PKHD1L1: variants seen among roughly 807,000 people sequenced by gnomAD.
The protein encoded by PKHD1L1 is PKHD1 like 1.
PKHD1L1 carries 434 observed loss-of-function variants against 462.9 expected under a neutral mutation model. The observed-to-expected ratio is 0.94, with a 90% CI of 0.87 to 1.02. The LOEUF is 1.02. Among genes scored for constraint, PKHD1L1 ranks in the 50% least tolerant of loss-of-function variants. The pLI, the probability that PKHD1L1 is intolerant of heterozygous loss-of-function variation, is 0.00. For synonymous variants in PKHD1L1, 1,781 were observed against 1,750.0 expected (o/e 1.02, Z -0.44); for missense variants, 5,202 against 5,096.1 (o/e 1.02, Z -0.63).
rs1817155507 is a variant in PKHD1L1, at chr8:109,461,892, G to T, written c.7367G>T (p.Arg2456Ile). ...PVPGANMVTG[R>I]IEYVEVFHAG... ...CCTGGTGCTAACATGGTAACTGGGA[G>T]AATAGAATATGTAGAGGTGAGAGGC... The change falls in exon 48 of 78, where the codon AGA becomes ATA. Residue 2456 changes from arginine to isoleucine, a missense_variant. Physicochemically the swap from Arg to Ile is moderately conservative, Grantham distance 97 (BLOSUM62 -3). Coordinates refer to ENST00000378402, the MANE Select transcript of PKHD1L1 (RefSeq NM_177531.6). 1 of 1,601,828 alleles carries T rather than the reference G, an allele frequency of 6.2e-7. No individual in the cohort carries two copies.
intron 73 of PKHD1L1, among the ~76,000 whole-genome samples, chr8:109,519,592 G>T (rs1484560597): frequency 6.6e-6 from 1 of 151,998 alleles, no homozygotes; most frequent in Non-Finnish European, 1.5e-5. Context: ...CTCTGATCTA[G>T]GTGTACCCCT....
intron 27 of PKHD1L1, among the ~76,000 whole-genome samples, chr8:109,430,322 T>C (rs1347641941): frequency 6.6e-6 from 1 of 152,206 alleles, no homozygotes; most frequent in African/African-American, 2.4e-5. Context: ...TTAGACTCAG[T>C]CTCTAAAATT....
intron 24 of PKHD1L1, among the ~76,000 whole-genome samples, chr8:109,425,794 G>T (rs1249224925): frequency 1.3e-5 from 2 of 152,044 alleles, no homozygotes; most frequent in Non-Finnish European, 2.9e-5. Flanking sequence ...CAATATGGTA[G>T]CCATGAGTCA....
intron 73 of PKHD1L1, 125 bp downstream of exon 73, chr8:109,518,633 T>A: frequency 1.3e-6 from 1 of 741,378 alleles, no homozygotes; most frequent in Non-Finnish European, 2.1e-6. Flanking sequence ...CTGAACCCTC[T>A]AAGTGCCCAG....
chr8:109,500,457 A>T (rs1158012326), intron 67 of PKHD1L1, among the ~76,000 whole-genome samples: 1 of 148,664 alleles, frequency 6.7e-6, no homozygotes, highest in Non-Finnish European at 1.5e-5. Context: ...TGGATGAATC[A>T]TGAGGTCAGG....
chr8:109,407,771 C>T (rs906499327), intron 17 of PKHD1L1, among the ~76,000 whole-genome samples: 2 of 152,140 alleles, frequency 1.3e-5, no homozygotes, highest in African/African-American at 4.8e-5. Flanking sequence ...GGTCCTAATA[C>T]ATCTGTCTAT....
intron 67 of PKHD1L1, among the ~76,000 whole-genome samples, chr8:109,500,403 A>G (rs1056245257): frequency 6.7e-6 from 1 of 150,184 alleles, no homozygotes; most frequent in East Asian, 2.0e-4. Context: ...CCCCTGGTCC[A>G]TGGTGGCTCA....
intron 73 of PKHD1L1, among the ~76,000 whole-genome samples, chr8:109,520,545 G>A (rs1308883066): frequency 6.6e-6 from 1 of 152,148 alleles, no homozygotes; most frequent in Non-Finnish European, 1.5e-5. Flanking sequence ...AGGGATGGTG[G>A]GAGGGACAGG....
chr8:109,381,678 AT>A (rs1454164250), intron 3 of PKHD1L1, among the ~76,000 whole-genome samples, 164 bp downstream of exon 3: 1 of 152,044 alleles, frequency 6.6e-6, no homozygotes, highest in East Asian at 1.9e-4. Flanking sequence ...TATTTTATGC[AT>A]TTATTATATT....
At chr8:109,490,685 G>T (rs1217135975) in intron 60 of PKHD1L1, among the ~76,000 whole-genome samples, 1 of 151,562 alleles carries the variant, frequency 6.6e-6, no homozygotes, top group East Asian at 1.9e-4. Flanking sequence ...TTTTATAAGT[G>T]ATAATAGGAA....
rs1586678936 is a variant in PKHD1L1 at position 109,534,735 on chromosome 8, G to T, written c.*4645G>T. The stretch of plus-strand genomic sequence containing the variant: ...AAGTCTGCCACAGGGGACACAGTAG[G>T]TACTTGAATACTTGTGGGCAGTCTA... On this transcript the variant is annotated 3_prime_UTR_variant, in exon 78 of 78. Coordinates refer to ENST00000378402, the MANE Select transcript of PKHD1L1 (RefSeq NM_177531.6). Among the ~76,000 whole-genome samples, 1 of 152,292 alleles carries T rather than the reference G, an allele frequency of 6.6e-6. No homozygotes were observed. The highest frequency in any genetic ancestry group is 1.9e-4 in the East Asian group (1 of 5,180).
intron 40 of PKHD1L1, 100 bp from the exon 41 acceptor site, chr8:109,450,875 T>G: frequency 8.7e-7 from 1 of 1,154,622 alleles, no homozygotes. Flanking sequence ...AGGAAGATGA[T>G]TGTGTGAAAA....
In PKHD1L1 at chr8:109,491,153, A is replaced by T. The variant is rs1041141697; in HGVS notation, c.10114+52A>T. Reference sequence around the variant, plus strand: ...TTACACATCCTGTGGAGGCTTTCTTATCTATATACTCTAGAGCTACACTGC... The same window carrying T: ...TTACACATCCTGTGGAGGCTTTCTTTTCTATATACTCTAGAGCTACACTGC... On this transcript the variant is annotated intron_variant, in intron 61 of 77. Coordinates refer to ENST00000378402, the MANE Select transcript of PKHD1L1 (RefSeq NM_177531.6). 1.9e-6 allele frequency: 3 copies of T among 1,542,490 alleles called. No homozygotes were observed. The Admixed American group carries it at 5.2e-5, about 27-fold the overall frequency.
At chr8:109,516,829 A>G (rs144150529) in intron 72 of PKHD1L1, among the ~76,000 whole-genome samples, 1 of 152,262 alleles carries the variant, frequency 6.6e-6, no homozygotes, top group East Asian at 1.9e-4. Flanking sequence ...AATAGGAACT[A>G]TCTTCATAGG....
Position 109,497,160 on chromosome 8 carries a change from G to C in PKHD1L1, c.10487G>C (p.Ser3496Thr). ...CAAATTCTATTGCAGACCACAGAGA[G>C]TGTGCACATTTATAATGTGACCCTG... Reference protein sequence around the residue: ...DYGIYFQTTESVHIYNVTLVD... With the variant: ...DYGIYFQTTETVHIYNVTLVD... The change falls in exon 65 of 78, where the codon AGT becomes ACT. Residue 3496 changes from serine to threonine, a missense_variant. Ser to Thr is a moderately conservative substitution (Grantham distance 58). Around this residue, in one of 3 missense-constraint regions of PKHD1L1, gnomAD observed 4,497 missense variants for 4,336.8 expected, o/e 1.04. Transcript: ENST00000378402. 1 of 1,613,818 alleles carries C rather than the reference G, an allele frequency of 6.2e-7. No individual in the cohort carries two copies. The highest frequency in any genetic ancestry group is 8.5e-7 in the Non-Finnish European group (1 of 1,179,802).
chr8:109,520,240 G>C (rs1168370581), intron 73 of PKHD1L1, among the ~76,000 whole-genome samples: 2 of 152,008 alleles, frequency 1.3e-5, no homozygotes, highest in African/African-American at 2.4e-5. Flanking sequence ...GGACTTACAG[G>C]CTCAGGGTTT....
chr8:109,467,030 C>A lies in PKHD1L1; in HGVS notation c.8605+261C>A, dbSNP rs184501434. ...ACAGAGAGAGGGAGCGTTGGCACAGCCCTTGGAGCAAGTAAAAATGTACCA... is the reference window on the plus strand; with the variant it reads ...ACAGAGAGAGGGAGCGTTGGCACAGACCTTGGAGCAAGTAAAAATGTACCA... On this transcript the variant is annotated intron_variant, in intron 50 of 77. Transcript: ENST00000378402. 5.3e-5 allele frequency among the ~76,000 whole-genome samples: 8 copies of A among 152,124 alleles called. No individual in the cohort carries two copies. In the East Asian group the frequency reaches 1.6e-3, roughly 30 times the overall value.
chr8:109,405,696 G>T (rs1176196017), intron 16 of PKHD1L1, among the ~76,000 whole-genome samples: 2 of 151,120 alleles, frequency 1.3e-5, no homozygotes, highest in East Asian at 3.9e-4. Context: ...GGGGGGTGGG[G>T]TCGGCACGGG....
In PKHD1L1 at chr8:109,498,322, C is replaced by T. The variant is rs1437135095; in HGVS notation, c.10600-140C>T. ...TTCACCTTGTTAGCCAGGATGGTCT[C>T]GATCTCCTGACCTCATGATCCACCC... On this transcript the variant is annotated intron_variant, in intron 65 of 77. Coordinates refer to ENST00000378402, the MANE Select transcript of PKHD1L1 (RefSeq NM_177531.6). The T allele has an allele frequency of 3.1e-5, 7 of 227,676 alleles. 1 individual carries two copies. In the African/African-American group the frequency reaches 4.1e-4, roughly 13 times the overall value. The allele number at this position is 227,676 out of a possible 1,614,324, so 14.1% of individuals were successfully genotyped here.
Sources: allele counts gnomAD v4.1 joint callset (sites outside exome capture counted in the v4.1 genomes callset), GRCh38; gene constraint gnomAD v4.1.1; regional missense constraint gnomAD v4.1.1; transcripts MANE v1.5; gene names NCBI Gene and HGNC (gene_info 2026-07-23, HGNC 2026-07-21).